NRXN1: variants seen among roughly 807,000 people sequenced by gnomAD.
NRXN1 encodes neurexin-1.
A neutral mutation model predicts 150.9 loss-of-function variants in NRXN1; 39 were observed. The ratio of observed to expected loss-of-function variants is 0.26; its 90% CI spans 0.20 to 0.34. The LOEUF is 0.34. NRXN1 is among the 10% of genes least tolerant of loss of function. NRXN1 has a pLI of 1.00. For synonymous variants in NRXN1, 924 were observed against 757.0 expected (o/e 1.22, Z -3.62); for missense variants, 1,815 against 1,949.9 (o/e 0.93, Z 1.30).
intron 5 of NRXN1, among the ~76,000 whole-genome samples, chr2:50,690,858 G>C (rs571996490): frequency 6.6e-6 from 1 of 151,956 alleles, no homozygotes; most frequent in East Asian, 1.9e-4. Flanking sequence ...CTCCCCTCCC[G>C]GTTCTTTTCC....
chr2:50,682,375 T>C (rs1357736506), intron 5 of NRXN1, among the ~76,000 whole-genome samples: 1 of 152,202 alleles, frequency 6.6e-6, no homozygotes, highest in African/African-American at 2.4e-5. Context: ...CTATCCCATG[T>C]CTTCTTACTT....
At chr2:50,477,069 G>A (rs1471046573) in intron 15 of NRXN1, among the ~76,000 whole-genome samples, 2 of 152,188 alleles carry the variant, frequency 1.3e-5, no homozygotes, top group East Asian at 3.9e-4. Context: ...TATAAATGTG[G>A]ATGCCAGACA....
chr2:50,842,512 T>C (rs1240991663), intron 5 of NRXN1, among the ~76,000 whole-genome samples: 1 of 152,142 alleles, frequency 6.6e-6, no homozygotes, highest in Non-Finnish European at 1.5e-5. Context: ...GTCAAAATTA[T>C]ATAATAAAGG....
intron 8 of NRXN1, among the ~76,000 whole-genome samples, chr2:50,600,999 A>G (rs1406993268): frequency 6.6e-6 from 1 of 152,122 alleles, no homozygotes; most frequent in East Asian, 1.9e-4. Context: ...TTCTACCAAT[A>G]TGGTTATTAT....
At chr2:50,929,344 A>G (rs774237780) in intron 2 of NRXN1, among the ~76,000 whole-genome samples, 9 of 152,142 alleles carry the variant, frequency 5.9e-5, no homozygotes, top group Non-Finnish European at 1.0e-4. Context: ...CTGTATAATC[A>G]GTGCTAAAGT....
At chr2:50,234,146 T>C (rs2065206720) in intron 18 of NRXN1, among the ~76,000 whole-genome samples, 1 of 152,050 alleles carries the variant, frequency 6.6e-6, no homozygotes, top group Non-Finnish European at 1.5e-5. Context: ...GAGGTAAACT[T>C]AGGTAGTAAA....
intron 2 of NRXN1, among the ~76,000 whole-genome samples, chr2:50,996,652 A>G (rs1157540001): frequency 6.6e-6 from 1 of 151,998 alleles, no homozygotes; most frequent in East Asian, 1.9e-4. Context: ...CGAAAAGCTT[A>G]GACTTCCACC....
chr2:50,555,134 T>C (rs923300549), intron 8 of NRXN1, among the ~76,000 whole-genome samples: 4 of 152,170 alleles, frequency 2.6e-5, no homozygotes, highest in East Asian at 3.8e-4. Flanking sequence ...CTTTTTCCTA[T>C]TGATTTATAT....
At chr2:50,331,711 G>A (rs2076844836) in intron 17 of NRXN1, among the ~76,000 whole-genome samples, 1 of 152,144 alleles carries the variant, frequency 6.6e-6, no homozygotes, top group South Asian at 2.1e-4. Flanking sequence ...TTCTCCTTGT[G>A]TTCAAGTGAT....
chr2:50,519,188 T>C (rs1193780771), intron 12 of NRXN1, among the ~76,000 whole-genome samples: 2 of 151,932 alleles, frequency 1.3e-5, no homozygotes, highest in Non-Finnish European at 2.9e-5. Flanking sequence ...CATGTGAACA[T>C]TCGAATGCAA....
intron 5 of NRXN1, among the ~76,000 whole-genome samples, chr2:50,754,487 T>C (rs988499949): frequency 1.3e-5 from 2 of 151,834 alleles, no homozygotes; most frequent in Non-Finnish European, 1.5e-5. Context: ...GGAATGTAAA[T>C]TATCAGTAAA....
At chr2:50,521,647 T>A (rs972464643) in intron 12 of NRXN1, among the ~76,000 whole-genome samples, 1 of 152,180 alleles carries the variant, frequency 6.6e-6, no homozygotes, top group South Asian at 2.1e-4. Context: ...ATGTACCACA[T>A]GTTAGCCAGT....
chr2:50,744,166 T>G (rs934543908), intron 5 of NRXN1, among the ~76,000 whole-genome samples: 25 of 152,200 alleles, frequency 1.6e-4, no homozygotes, highest in South Asian at 4.1e-4. Context: ...TATAGTCACA[T>G]ATCTTTATAA....
At chr2:50,384,200 T>C (rs955831380) in intron 17 of NRXN1, among the ~76,000 whole-genome samples, 3 of 152,178 alleles carry the variant, frequency 2.0e-5, no homozygotes, top group Non-Finnish European at 4.4e-5. Context: ...AGTAAAATTA[T>C]GATGGCTTTA....
At chr2:50,598,305 A>T (rs1275291400) in intron 8 of NRXN1, among the ~76,000 whole-genome samples, 2 of 152,100 alleles carry the variant, frequency 1.3e-5, no homozygotes, top group Non-Finnish European at 2.9e-5. Flanking sequence ...CAGCCCTTAG[A>T]ATCACATTGA....
intron 5 of NRXN1, among the ~76,000 whole-genome samples, chr2:50,891,374 G>A (rs571924273): frequency 5.7e-4 from 86 of 152,130 alleles, no homozygotes; most frequent in African/African-American, 1.7e-3. Context: ...AGGACTCCAG[G>A]TCAGCTGCAA....
At chr2:50,363,179 G>A (rs992282766) in intron 17 of NRXN1, among the ~76,000 whole-genome samples, 2 of 152,118 alleles carry the variant, frequency 1.3e-5, no homozygotes, top group African/African-American at 4.8e-5. Context: ...ACATAGGCAT[G>A]GACAAAGACT....
In NRXN1 at chr2:50,011,258, A is replaced by G. The variant is rs1685615412; in HGVS notation, c.4128+42013T>C. ...TCCTCATTAAATGCAATGTCTTTTT[A>G]ACAAAGATATTAAACTGAACTCAAT... On this transcript the variant is annotated intron_variant, in intron 21 of 22. Transcript: ENST00000401669. Among the ~76,000 whole-genome samples, 3 of 152,148 alleles carry G rather than the reference A, an allele frequency of 2.0e-5. No homozygotes were observed. In the South Asian group the frequency reaches 6.2e-4, roughly 31 times the overall value.
intron 5 of NRXN1, among the ~76,000 whole-genome samples, chr2:50,869,031 G>A (rs958317067): frequency 1.3e-5 from 2 of 151,786 alleles, no homozygotes; most frequent in Non-Finnish European, 2.9e-5. Context: ...GTATAGAAAT[G>A]CCTTCATGTT....
Sources: allele counts gnomAD v4.1 joint callset (sites outside exome capture counted in the v4.1 genomes callset), GRCh38; gene constraint gnomAD v4.1.1; transcripts MANE v1.5; gene names NCBI Gene and HGNC (gene_info 2026-07-23, HGNC 2026-07-21).